The following IMPA2 variants were observed in gnomAD, a reference collection of about 807,000 sequenced individuals.
IMPA2 encodes the protein IMP 2.
IMPA2 carries 32 observed loss-of-function variants against 35.1 expected under a neutral mutation model. The observed-to-expected ratio is 0.91, with a 90% CI of 0.69 to 1.23. The LOEUF is 1.23. IMPA2 is among the 50% of genes most tolerant of loss of function. IMPA2 has a pLI of 0.00. For synonymous variants in IMPA2, 135 were observed against 160.6 expected (o/e 0.84, Z 1.20); for missense variants, 334 against 387.6 (o/e 0.86, Z 1.16).
At chr18:11,996,428 C>T (rs1004357822) in intron 1 of IMPA2, among the ~76,000 whole-genome samples, 7 of 152,150 alleles carry the variant, frequency 4.6e-5, no homozygotes, top group African/African-American at 1.7e-4. Context: ...CAAGTGTGGA[C>T]GAGTGGAATA....
In IMPA2 at chr18:12,009,600, C is replaced by T. The variant is rs112890743; in HGVS notation, c.231-283C>T. ...AAGATCTGTTTTCCAGTGTTCTTCA[C>T]GCTTGCATTTCTCTGCCTGGCCTGC... On this transcript the variant is annotated intron_variant, in intron 2 of 7. Transcript: ENST00000269159. Among the ~76,000 whole-genome samples the T allele has an allele frequency of 7.0e-3, 1,064 of 152,256 alleles. 8 individuals are homozygous for T. The highest frequency in any genetic ancestry group is 0.01 in the South Asian group (50 of 4,816).
intron 5 of IMPA2, among the ~76,000 whole-genome samples, 165 bp from the exon 6 acceptor site, chr18:12,027,878 G>A (rs146306985): frequency 1.1e-4 from 16 of 151,728 alleles, no homozygotes; most frequent in East Asian, 3.9e-4. Context: ...CACTGTGCCC[G>A]GTCCATCCTT....
intron 5 of IMPA2, among the ~76,000 whole-genome samples, chr18:12,018,807 G>C (rs1907651097): frequency 6.6e-6 from 1 of 151,922 alleles, no homozygotes; most frequent in African/African-American, 2.4e-5. Context: ...GTTATAATAA[G>C]TTGTTTTGGT....
At position 12,000,657 on chromosome 18, in the gene IMPA2, C is replaced by T. The variant is rs1398745936; in HGVS notation, c.230+1470C>T. ...TTGAGATGGAGTCTTGCTCTGGCGT[C>T]CAGGCTGGAGTGCAGTGGCGTGATC... On this transcript the variant is annotated intron_variant, in intron 2 of 7. Transcript: ENST00000269159. Among the ~76,000 whole-genome samples the T allele has an allele frequency of 3.5e-5, 5 of 142,504 alleles. No homozygotes were observed. The East Asian group carries it at 1.1e-3, about 30-fold the overall frequency. The allele number at this position is 142,504 out of a possible 152,430, so 93.5% of individuals were successfully genotyped here.
chr18:12,019,489 A>G (rs147818943), intron 5 of IMPA2, among the ~76,000 whole-genome samples: 3,431 of 150,848 alleles, frequency 0.023, 132 homozygotes, highest in African/African-American at 0.075. Flanking sequence ...GCTGGTCTCA[A>G]ACTCCTGACC....
intron 5 of IMPA2, among the ~76,000 whole-genome samples, chr18:12,022,582 C>A (rs1291612189): frequency 8.2e-6 from 1 of 121,542 alleles, no homozygotes; most frequent in African/African-American, 2.9e-5. Flanking sequence ...CGTTTAAGAC[C>A]TAAGATATGG....
chr18:11,987,166 G>A (rs1041352500), intron 1 of IMPA2, among the ~76,000 whole-genome samples: 41 of 152,246 alleles, frequency 2.7e-4, no homozygotes, highest in African/African-American at 9.1e-4. Flanking sequence ...GGGTCCCACC[G>A]CAGGGTTTCT....
At chr18:12,013,992 C>T (rs1265623281) in intron 4 of IMPA2, among the ~76,000 whole-genome samples, 1 of 152,124 alleles carries the variant, frequency 6.6e-6, no homozygotes, top group African/African-American at 2.4e-5. Flanking sequence ...GTTACTAATA[C>T]TTGATTATGA....
chr18:12,022,528 A>AAAATATATATATATATATATATATAT lies in IMPA2; in HGVS notation c.491-5514_491-5513insAATATATATATATATATATATATATA, dbSNP rs68185380. ...CAGAATGGGGCTCCATCTCAAAAAG[A>AAAATATATATATATATATATATATAT]ATATATATATATATATATATATATA... is the stretch of plus-strand genomic sequence containing the variant. On this transcript the variant is annotated intron_variant, in intron 5 of 7. Transcript: ENST00000269159. 6.6e-4 allele frequency among the ~76,000 whole-genome samples: 64 copies of AAAATATATATATATATATATATATAT among 96,806 alleles called. 2 individuals are homozygous for AAAATATATATATATATATATATATAT. The highest frequency in any genetic ancestry group is 2.6e-3 in the African/African-American group (60 of 23,158). The allele number at this position is 96,806 out of a possible 152,430, so 63.5% of individuals were successfully genotyped here.
At chr18:12,006,901 G>A (rs1210105663) in intron 2 of IMPA2, among the ~76,000 whole-genome samples, 3 of 152,150 alleles carry the variant, frequency 2.0e-5, no homozygotes, top group Non-Finnish European at 1.5e-5. Context: ...GGAGCCTGAG[G>A]TGGGCGTATC....
chr18:12,003,511 C>T (rs1191257885), intron 2 of IMPA2, among the ~76,000 whole-genome samples: 1 of 151,834 alleles, frequency 6.6e-6, no homozygotes, highest in East Asian at 1.9e-4. Context: ...TTAGCTGGGC[C>T]ATGGTGGCGC....
chr18:12,026,872 C>T (rs1321447254), intron 5 of IMPA2, among the ~76,000 whole-genome samples: 15 of 152,196 alleles, frequency 9.9e-5, no homozygotes, highest in Admixed American at 7.9e-4. Flanking sequence ...TGGGCATGGC[C>T]GGCGGTGAAT....
At chr18:12,003,505 C>G (rs1170116944) in intron 2 of IMPA2, among the ~76,000 whole-genome samples, 1 of 151,954 alleles carries the variant, frequency 6.6e-6, no homozygotes, top group South Asian at 2.1e-4. Flanking sequence ...AACAAATTAG[C>G]TGGGCCATGG....
Position 12,028,101 on chromosome 18 carries a change from G to T in IMPA2, c.549G>T (p.Leu183=). The T allele has an allele frequency of 6.2e-7, 1 of 1,614,174 alleles. No homozygotes were observed. Among genetic ancestry groups the T allele is most frequent in the South Asian group, 1.1e-5 (1 of 91,084 alleles). ...EIGPKRDPAT[L]KLFLSNMERL... ...GCCCCAAACGTGACCCTGCGACCCTGAAGCTGTTCCTGAGTAACATGGAGC... is the reference window on the plus strand; with the variant it reads ...GCCCCAAACGTGACCCTGCGACCCTTAAGCTGTTCCTGAGTAACATGGAGC... The change falls in exon 6 of 8, where the codon CTG becomes CTT. Residue 183 remains leucine, a synonymous_variant. Transcript: ENST00000269159.
At chr18:11,998,628 T>C (rs1907024283) in intron 1 of IMPA2, among the ~76,000 whole-genome samples, 1 of 152,212 alleles carries the variant, frequency 6.6e-6, no homozygotes, top group Non-Finnish European at 1.5e-5. Context: ...ATTCATGGGA[T>C]TATACAGGGC....
chr18:12,025,971 AT>A (rs1907871670), intron 5 of IMPA2, among the ~76,000 whole-genome samples: 1 of 149,888 alleles, frequency 6.7e-6, no homozygotes, highest in Non-Finnish European at 1.5e-5. Flanking sequence ...TCCAATTTCT[AT>A]TTTTTAATTT....
intron 4 of IMPA2, 82 bp downstream of exon 4, chr18:12,012,297 G>T (rs753269169): frequency 1.7e-6 from 2 of 1,190,840 alleles, no homozygotes; most frequent in Non-Finnish European, 2.5e-6. Flanking sequence ...GCCTCTGTGC[G>T]CCTGGTTTGC....
chr18:12,022,358 C>T (rs181435862), intron 5 of IMPA2, among the ~76,000 whole-genome samples: 1 of 151,490 alleles, frequency 6.6e-6, no homozygotes, highest in Admixed American at 6.6e-5. Flanking sequence ...ATGGAGAAAC[C>T]CCGTCTCTAT....
chr18:12,030,061 C>T (rs1323357574), intron 7 of IMPA2, among the ~76,000 whole-genome samples: 2 of 152,202 alleles, frequency 1.3e-5, no homozygotes, highest in East Asian at 3.8e-4. Flanking sequence ...TTTCTTAGGA[C>T]TTTTATGTTC....
Sources: gnomAD v4.1 joint callset for allele counts (sites outside exome capture counted in the v4.1 genomes callset) on GRCh38, gnomAD v4.1.1 for gene constraint, MANE v1.5 for transcripts, NCBI Gene and HGNC (gene_info 2026-07-23, HGNC 2026-07-21) for gene names.